TGFB2: variants seen among roughly 807,000 people sequenced by gnomAD.
TGFB2 encodes the protein transforming growth factor beta 2.
In TGFB2, 13 loss-of-function variants were observed where a neutral mutation model predicts 42.7. The ratio of observed to expected loss-of-function variants is 0.30; its 90% CI spans 0.20 to 0.48. The LOEUF (loss-of-function observed/expected upper bound fraction) is 0.48, where lower values mean the gene tolerates loss of function less well. TGFB2 is among the 20% of genes least tolerant of loss of function. The pLI, the probability that TGFB2 is intolerant of heterozygous loss-of-function variation, is 0.99. For synonymous variants in TGFB2, 193 were observed against 193.6 expected, an observed-to-expected ratio of 1.00 and a Z score of 0.03; for missense variants, 390 against 517.5, an observed-to-expected ratio of 0.75 and a Z score of 2.39.
chr1:218,433,811 T>C (rs556120012), intron 2 of TGFB2, among the ~76,000 whole-genome samples: 1 of 152,318 alleles, frequency 6.6e-6, no homozygotes, highest in Non-Finnish European at 1.5e-5. Flanking sequence ...CAAAGTAAAA[T>C]AATTACTGTC....
intron 2 of TGFB2, among the ~76,000 whole-genome samples, chr1:218,419,815 T>C (rs1003579018): frequency 3.2e-4 from 48 of 152,204 alleles, no homozygotes; most frequent in Non-Finnish European, 6.2e-4. Context: ...AAGTATTTAA[T>C]ATTAATAGAT....
chr1:218,377,036 A>G (rs980366571), intron 1 of TGFB2, among the ~76,000 whole-genome samples: 2 of 152,110 alleles, frequency 1.3e-5, no homozygotes, highest in Non-Finnish European at 2.9e-5. Flanking sequence ...CTGGGACTAC[A>G]GATGATGCCA....
chr1:218,352,224 T>C (rs1174186416), intron 1 of TGFB2, among the ~76,000 whole-genome samples: 1 of 150,760 alleles, frequency 6.6e-6, no homozygotes, highest in Non-Finnish European at 1.5e-5. Flanking sequence ...CCTTCCGCTA[T>C]CTTGATGTAG....
intron 1 of TGFB2, among the ~76,000 whole-genome samples, chr1:218,366,688 G>A (rs1657397636): frequency 6.6e-6 from 1 of 152,200 alleles, no homozygotes; most frequent in Non-Finnish European, 1.5e-5. Context: ...CCCCATTTCA[G>A]AGCTGCCAAG....
intron 2 of TGFB2, among the ~76,000 whole-genome samples, chr1:218,409,270 T>G (rs1175657652): frequency 6.6e-6 from 1 of 152,212 alleles, no homozygotes; most frequent in Non-Finnish European, 1.5e-5. Flanking sequence ...CTAAAGATTT[T>G]TACCACTGTA....
intron 1 of TGFB2, among the ~76,000 whole-genome samples, chr1:218,367,355 G>T (rs746923514): frequency 6.6e-6 from 1 of 152,172 alleles, no homozygotes; most frequent in African/African-American, 2.4e-5. Context: ...GGTAACTGCA[G>T]GTTTCTCTTT....
At chr1:218,374,372 A>ATT (rs1657674421) in intron 1 of TGFB2, among the ~76,000 whole-genome samples, 1 of 152,138 alleles carries the variant, frequency 6.6e-6, no homozygotes, top group Non-Finnish European at 1.5e-5. Context: ...GAGTGAATGA[A>ATT]TTTTTGCACA....
intron 2 of TGFB2, among the ~76,000 whole-genome samples, chr1:218,432,276 C>T (rs1260811521): frequency 6.6e-6 from 1 of 152,024 alleles, no homozygotes; most frequent in Non-Finnish European, 1.5e-5. Context: ...CGTAGTGTAC[C>T]CAGCCCTCAA....
At chr1:218,387,793 G>A (rs1170357335) in intron 1 of TGFB2, among the ~76,000 whole-genome samples, 2 of 152,210 alleles carry the variant, frequency 1.3e-5, no homozygotes, top group African/African-American at 2.4e-5. Context: ...GTGAGAAAAG[G>A]TGGTCTGATT....
intron 1 of TGFB2, among the ~76,000 whole-genome samples, chr1:218,364,047 G>A (rs544107832): frequency 6.6e-6 from 1 of 152,278 alleles, no homozygotes; most frequent in East Asian, 1.9e-4. Flanking sequence ...TCTATTTTAT[G>A]TGTGGCCCAA....
Position 218,393,975 on chromosome 1 carries a change from C to T in TGFB2, c.347-11194C>T, listed in dbSNP as rs1411738611. 3.3e-5 allele frequency among the ~76,000 whole-genome samples: 5 copies of T among 151,358 alleles called. No homozygotes were observed. In the East Asian group the frequency reaches 7.8e-4, roughly 24 times the overall value. ...AGGCTGGAGTCCAGTGGCGCAATCT[C>T]GGCTCACTGCAAGCTCCACCTCCCG... On this transcript the variant is annotated intron_variant, in intron 1 of 6. Coordinates refer to ENST00000366930, the MANE Select transcript of TGFB2 (RefSeq NM_003238.6).
chr1:218,355,845 C>T (rs926996497), intron 1 of TGFB2, among the ~76,000 whole-genome samples: 6 of 152,184 alleles, frequency 3.9e-5, no homozygotes, highest in Non-Finnish European at 5.9e-5. Flanking sequence ...CTAAATGTCA[C>T]TGCCAATTAA....
chr1:218,418,415 G>A (rs1033880373), intron 2 of TGFB2, among the ~76,000 whole-genome samples: 1 of 152,210 alleles, frequency 6.6e-6, no homozygotes, highest in Non-Finnish European at 1.5e-5. Flanking sequence ...CCCAATGCCT[G>A]TACCCCCGTT....
At chr1:218,421,371 C>T (rs1659448178) in intron 2 of TGFB2, among the ~76,000 whole-genome samples, 1 of 118,002 alleles carries the variant, frequency 8.5e-6, no homozygotes, top group African/African-American at 3.4e-5. Flanking sequence ...TTCCAAGAAG[C>T]AGTTTTTTTT....
intron 2 of TGFB2, among the ~76,000 whole-genome samples, chr1:218,426,750 A>G (rs1205669839): frequency 6.6e-6 from 1 of 152,210 alleles, no homozygotes; most frequent in East Asian, 1.9e-4. Context: ...CATAGGAGAG[A>G]GAAACAGAAA....
At position 218,388,371 on chromosome 1, in the gene TGFB2, T is replaced by G. The variant is rs1185709778; in HGVS notation, c.347-16798T>G. Among the ~76,000 whole-genome samples the G allele has an allele frequency of 3.3e-5, 5 of 152,330 alleles. No homozygotes were observed. The East Asian group carries it at 9.7e-4, about 29-fold the overall frequency. On this transcript the variant is annotated intron_variant, in intron 1 of 6. Transcript: ENST00000366930. ...GAAATTTTAAAGTTCAGTAAACTAC[T>G]GGGCAATTATGGATTGCTTGGCACA...
chr1:218,379,111 A>T (rs1306190063), intron 1 of TGFB2, among the ~76,000 whole-genome samples: 1 of 147,692 alleles, frequency 6.8e-6, no homozygotes, highest in Non-Finnish European at 1.5e-5. Flanking sequence ...AACACATGGT[A>T]CATTTTCTTT....
intron 1 of TGFB2, among the ~76,000 whole-genome samples, chr1:218,376,617 G>A (rs1657749829): frequency 6.6e-6 from 1 of 152,122 alleles, no homozygotes; most frequent in Non-Finnish European, 1.5e-5. Context: ...CCCTCTTTAA[G>A]CCTCAGTTTC....
At chr1:218,376,233 A>G (rs1230903181) in intron 1 of TGFB2, among the ~76,000 whole-genome samples, 1 of 152,202 alleles carries the variant, frequency 6.6e-6, no homozygotes, top group East Asian at 1.9e-4. Flanking sequence ...GACATTCTTT[A>G]TCTTGTTAGG....
Sources: allele counts gnomAD v4.1 joint callset (sites outside exome capture counted in the v4.1 genomes callset), GRCh38; gene constraint gnomAD v4.1.1; transcripts MANE v1.5; gene names NCBI Gene and HGNC (gene_info 2026-07-23, HGNC 2026-07-21).